Variants in SVEP1 observed in about 807,000 individuals in gnomAD.
SVEP1 encodes sushi, von Willebrand factor type A, EGF and pentraxin domain-containing protein 1.
A neutral mutation model predicts 367.3 loss-of-function variants in SVEP1; 164 were observed. The ratio of observed to expected loss-of-function variants is 0.45; its 90% CI spans 0.39 to 0.51. SVEP1 has a LOEUF of 0.51. Among genes scored for constraint, SVEP1 ranks in the 20% least tolerant of loss-of-function variants. SVEP1 has a pLI of 0.00. For missense variants in SVEP1, 4,117 were observed against 4,425.3 expected (o/e 0.93, Z 1.98); for synonymous variants, 1,666 against 1,611.6 (o/e 1.03, Z -0.81).
chr9:110,508,340 T>C (rs190673833), intron 5 of SVEP1, among the ~76,000 whole-genome samples: 227 of 152,290 alleles, frequency 1.5e-3, no homozygotes, highest in Admixed American at 2.4e-3. Flanking sequence ...CAAATTGTGA[T>C]ATCTATTACT....
At chr9:110,525,420 A>G (rs1269646019) in intron 3 of SVEP1, among the ~76,000 whole-genome samples, 1 of 152,228 alleles carries the variant, frequency 6.6e-6, no homozygotes, top group Non-Finnish European at 1.5e-5. Flanking sequence ...CAATGCTGAA[A>G]AGGAAATCAA....
At chr9:110,403,802 C>T (rs1827908010) in intron 39 of SVEP1, among the ~76,000 whole-genome samples, 1 of 151,242 alleles carries the variant, frequency 6.6e-6, no homozygotes, top group South Asian at 2.1e-4. Context: ...CACTTTCCTC[C>T]ATTATTTATC....
chr9:110,518,023 T>G, intron 3 of SVEP1, among the ~76,000 whole-genome samples: 1 of 152,338 alleles, frequency 6.6e-6, no homozygotes. Context: ...TTACAAGGTA[T>G]GTATTCATGA....
chr9:110,472,692 C>G lies in SVEP1; in HGVS notation c.2600-369G>C, dbSNP rs190669688. ...TTTCTATTTCTTTGCAAGGCTTTCT[C>G]CAATCCTTTTTTCTTTTTTTAAAAT... On this transcript the variant is annotated intron_variant, in intron 14 of 47. Coordinates refer to ENST00000374469, the MANE Select transcript of SVEP1 (RefSeq NM_153366.4). 2.3e-4 allele frequency among the ~76,000 whole-genome samples: 35 copies of G among 152,188 alleles called. 1 individual carries two copies. In the East Asian group the frequency reaches 5.8e-3, roughly 25 times the overall value.
At chr9:110,574,062 C>G (rs4075023) in intron 1 of SVEP1, among the ~76,000 whole-genome samples, 47,435 of 152,072 alleles carry the variant, frequency 0.31, 8,813 homozygotes, top group East Asian at 0.57. Context: ...AATTCTGACA[C>G]CAAATAATAA....
chr9:110,399,697 C>T (rs1051741769), intron 40 of SVEP1, among the ~76,000 whole-genome samples: 5 of 151,890 alleles, frequency 3.3e-5, no homozygotes, highest in African/African-American at 1.2e-4. Context: ...TCACGCCTGG[C>T]CATTTTCTGT....
rs553941400 is a variant in SVEP1 at position 110,388,719 on chromosome 9, A to T, written c.9886+805T>A. ...CATGGTGGCTCATGCCTATAATCCC[A>T]GCACTTTGGGAGGCTGAGGAGCATG... On this transcript the variant is annotated intron_variant, in intron 41 of 47. Coordinates refer to ENST00000374469, the MANE Select transcript of SVEP1 (RefSeq NM_153366.4). Among the ~76,000 whole-genome samples the T allele has an allele frequency of 2.8e-4, 42 of 152,312 alleles. 1 individual carries two copies. The South Asian group carries it at 8.7e-3, about 32-fold the overall frequency.
intron 46 of SVEP1, among the ~76,000 whole-genome samples, chr9:110,374,526 T>C (rs529741767): frequency 6.6e-6 from 1 of 152,320 alleles, no homozygotes; most frequent in African/African-American, 2.4e-5. Flanking sequence ...AGCAGGTGAC[T>C]GTAATCCCAG....
At chr9:110,490,601 AT>A (rs1829353142) in intron 8 of SVEP1, among the ~76,000 whole-genome samples, 2 of 151,748 alleles carry the variant, frequency 1.3e-5, no homozygotes, top group African/African-American at 4.8e-5. Flanking sequence ...TATTTTGCTT[AT>A]TTATTATTTC....
At chr9:110,439,126 AC>A (rs1245217708) in intron 27 of SVEP1, among the ~76,000 whole-genome samples, 2 of 152,036 alleles carry the variant, frequency 1.3e-5, no homozygotes, top group African/African-American at 4.8e-5. Flanking sequence ...CCTAACTCCC[AC>A]CATGGTGATA....
intron 43 of SVEP1, among the ~76,000 whole-genome samples, chr9:110,384,726 G>A (rs1409262231): frequency 1.3e-5 from 2 of 152,156 alleles, no homozygotes; most frequent in Non-Finnish European, 2.9e-5. Flanking sequence ...AACATTTTGA[G>A]GACAGAATTC....
At chr9:110,377,387 G>T in intron 44 of SVEP1, 21 bp from the exon 45 acceptor site, 1 of 1,607,528 alleles carries the variant, frequency 6.2e-7, no homozygotes, top group Non-Finnish European at 8.5e-7. Context: ...AGCAGGATGG[G>T]TCACAAATGT....
intron 8 of SVEP1, among the ~76,000 whole-genome samples, chr9:110,492,614 C>CATAT (rs201526358): frequency 3.3e-5 from 5 of 150,570 alleles, no homozygotes; most frequent in Admixed American, 3.3e-4. Flanking sequence ...ATATATATTT[C>CATAT]ATATATATAT....
rs779244292 is a variant in SVEP1, at chr9:110,512,088, T to C, written c.1303+838A>G. 3.9e-5 allele frequency among the ~76,000 whole-genome samples: 6 copies of C among 152,156 alleles called. No homozygotes were observed. The South Asian group carries it at 6.2e-4, about 16-fold the overall frequency. ...CCAAATCTTGCAGGGGACCCACATA[T>C]ACTAAAATATTATTTATCAAAAATT... is the stretch of plus-strand genomic sequence containing the variant. On this transcript the variant is annotated intron_variant, in intron 5 of 47. Coordinates refer to ENST00000374469, the MANE Select transcript of SVEP1 (RefSeq NM_153366.4).
intron 47 of SVEP1, chr9:110,369,446 G>A (rs1827244539): frequency 2.0e-5 from 3 of 152,144 alleles, no homozygotes; most frequent in African/African-American, 7.2e-5. Context: ...TATTTTTATT[G>A]TAATGAAGAA....
chr9:110,411,312 G>C lies in SVEP1; in HGVS notation c.6399C>G (p.Asn2133Lys), dbSNP rs545491568. ...KIECMRGGQW[N>K]PSPMSIQCIP... is the part of the protein sequence containing the mutation. The stretch of plus-strand genomic sequence containing the variant: ...TGCACTGGATGGACATGGGGGAAGG[G>C]TTCCACTGCCCACCTCTCATACATT... The change falls in exon 37 of 48, where the codon AAC becomes AAG. Residue 2133 changes from asparagine (N) to lysine (K), a missense_variant. By Grantham distance (94) the Asn-to-Lys change is moderately conservative (BLOSUM62 0). Around this residue, in one of 4 missense-constraint regions of SVEP1, gnomAD observed 1,765 missense variants for 1,781.1 expected, o/e 0.99. Coordinates refer to ENST00000374469, the MANE Select transcript of SVEP1 (RefSeq NM_153366.4). 6.2e-7 allele frequency: 1 copy of C among 1,614,044 alleles called. No individual in the cohort carries two copies. Among genetic ancestry groups the C allele is most frequent in the Admixed American group, 1.7e-5 (1 of 60,014 alleles).
rs779062811 is a variant in SVEP1 at position 110,430,245 on chromosome 9, A to G, written c.5530+29T>C. The G allele has an allele frequency of 6.3e-6, 10 of 1,592,566 alleles. No individual in the cohort carries two copies. The African/African-American group carries it at 8.1e-5, about 13-fold the overall frequency. On this transcript the variant is annotated intron_variant, in intron 33 of 47. Transcript: ENST00000374469. ...TTACCTTTCTAGGATTGCCAAACATAAGAAACGTGGTAAATTTACTAAACA... is the reference window on the plus strand; with the variant it reads ...TTACCTTTCTAGGATTGCCAAACATGAGAAACGTGGTAAATTTACTAAACA...
intron 1 of SVEP1, among the ~76,000 whole-genome samples, chr9:110,557,567 C>A (rs887632034): frequency 2.1e-5 from 3 of 143,108 alleles, no homozygotes; most frequent in Non-Finnish European, 3.1e-5. Flanking sequence ...TTACATTCTA[C>A]CTTTATTTTA....
chr9:110,475,574 T>C (rs954637763), intron 14 of SVEP1, among the ~76,000 whole-genome samples: 6 of 151,750 alleles, frequency 4.0e-5, no homozygotes, highest in Non-Finnish European at 8.8e-5. Flanking sequence ...CTCACTTTGT[T>C]GCCCAGGCTG....
Sources: gnomAD v4.1 joint callset for allele counts (sites outside exome capture counted in the v4.1 genomes callset) on GRCh38, gnomAD v4.1.1 for gene constraint, gnomAD v4.1.1 regional missense constraint, MANE v1.5 for transcripts, NCBI Gene and HGNC (gene_info 2026-07-23, HGNC 2026-07-21) for gene names.